Variants in RXFP1 observed in about 807,000 individuals in gnomAD.
RXFP1 encodes the protein relaxin receptor 1.
Under a neutral mutation model 89.8 loss-of-function variants are expected in RXFP1, and 73 were observed. The observed-to-expected ratio is 0.81, with a 90% CI of 0.67 to 0.99. The LOEUF (loss-of-function observed/expected upper bound fraction) is 0.99. Among genes scored for constraint, RXFP1 ranks in the 50% least tolerant of loss-of-function variants. RXFP1 has a pLI of 0.00. For missense variants in RXFP1, 793 were observed against 895.5 expected (o/e 0.89, Z 1.46); for synonymous variants, 277 against 305.5 (o/e 0.91, Z 0.97).
chr4:158,546,770 G>A lies in RXFP1; in HGVS notation c.49+24745G>A, dbSNP rs184257613. Among the ~76,000 whole-genome samples, 22 of 152,008 alleles carry A rather than the reference G, an allele frequency of 1.4e-4. No homozygotes were observed. The East Asian group carries it at 4.2e-3, about 29-fold the overall frequency. ...TTACGTTTATTGATTTCCATATGTTGAACCAGCCTTGCATCCCAGGGATGA... is the reference window on the plus strand; with the variant it reads ...TTACGTTTATTGATTTCCATATGTTAAACCAGCCTTGCATCCCAGGGATGA... On this transcript the variant is annotated intron_variant, in intron 1 of 17. Transcript: ENST00000307765.
At chr4:158,524,589 T>C (rs771901901) in intron 1 of RXFP1, among the ~76,000 whole-genome samples, 7 of 152,232 alleles carry the variant, frequency 4.6e-5, no homozygotes, top group Non-Finnish European at 8.8e-5. Flanking sequence ...TAAAAATCCT[T>C]CTGTCCATAG....
chr4:158,560,439 C>T (rs1752202343), intron 1 of RXFP1, among the ~76,000 whole-genome samples: 1 of 152,218 alleles, frequency 6.6e-6, no homozygotes, highest in African/African-American at 2.4e-5. Context: ...TTCAATCACC[C>T]TTTCAAGTAA....
intron 14 of RXFP1, among the ~76,000 whole-genome samples, chr4:158,640,632 C>T (rs1770194039): frequency 6.6e-6 from 1 of 152,108 alleles, no homozygotes; most frequent in South Asian, 2.1e-4. Context: ...GAGGGATCTA[C>T]CCCATGACCC....
intron 2 of RXFP1, among the ~76,000 whole-genome samples, chr4:158,589,118 CCAAA>C (rs1758866031): frequency 6.6e-6 from 1 of 152,086 alleles, no homozygotes. Context: ...AGAATGAGTG[CCAAA>C]CAAAGGGAGA....
chr4:158,527,564 A>AAAATATATAT (rs5741905), intron 1 of RXFP1, among the ~76,000 whole-genome samples: 106 of 98,302 alleles, frequency 1.1e-3, no homozygotes, highest in South Asian at 2.5e-3. Flanking sequence ...AAAAAAAAAA[A>AAAATATATAT]ATATATATAT....
chr4:158,544,372 A>G (rs1747650760), intron 1 of RXFP1: 1 of 985,100 alleles, frequency 1.0e-6, no homozygotes, highest in East Asian at 1.1e-4. Flanking sequence ...CAAAAGAGGG[A>G]CAGATCACCC....
At chr4:158,625,809 T>A (rs577007075) in intron 9 of RXFP1, among the ~76,000 whole-genome samples, 1 of 152,214 alleles carries the variant, frequency 6.6e-6, no homozygotes, top group Non-Finnish European at 1.5e-5. Context: ...CTGAACAGCT[T>A]TATGTTACAT....
At chr4:158,629,733 T>A (rs900346726) in intron 11 of RXFP1, among the ~76,000 whole-genome samples, 1 of 152,030 alleles carries the variant, frequency 6.6e-6, no homozygotes, top group Non-Finnish European at 1.5e-5. Context: ...ACTCAAGTGA[T>A]CCTCCCACCT....
At chr4:158,527,845 G>A (rs1579335701) in intron 1 of RXFP1, among the ~76,000 whole-genome samples, 1 of 151,940 alleles carries the variant, frequency 6.6e-6, no homozygotes, top group Non-Finnish European at 1.5e-5. Context: ...AGGCCATATA[G>A]CTGTGTTCCC....
intron 17 of RXFP1, 50 bp downstream of exon 17, chr4:158,648,767 G>C: frequency 8.7e-7 from 1 of 1,153,302 alleles, no homozygotes; most frequent in Non-Finnish European, 1.2e-6. Flanking sequence ...TGTTTTTACA[G>C]TGTTCTTTTA....
intron 2 of RXFP1, among the ~76,000 whole-genome samples, chr4:158,576,677 C>T (rs1756278874): frequency 6.6e-6 from 1 of 152,090 alleles, no homozygotes; most frequent in African/African-American, 2.4e-5. Flanking sequence ...CTCACAAACT[C>T]CATTATTATC....
chr4:158,633,711 G>A (rs544246044), intron 12 of RXFP1, among the ~76,000 whole-genome samples: 5 of 152,046 alleles, frequency 3.3e-5, no homozygotes, highest in African/African-American at 1.2e-4. Context: ...CCATCCCCTG[G>A]CTACCACCAT....
At chr4:158,528,324 C>T (rs908360769) in intron 1 of RXFP1, among the ~76,000 whole-genome samples, 2 of 150,800 alleles carry the variant, frequency 1.3e-5, no homozygotes, top group African/African-American at 4.9e-5. Context: ...GGCAACATGG[C>T]GCGACCCCCC....
chr4:158,570,447 C>A (rs746166390), intron 1 of RXFP1, among the ~76,000 whole-genome samples: 64 of 152,126 alleles, frequency 4.2e-4, no homozygotes, highest in Non-Finnish European at 2.1e-4. Flanking sequence ...TTCTTGCACC[C>A]TACCTTTCCC....
chr4:158,532,489 C>G (rs570235245), intron 1 of RXFP1, among the ~76,000 whole-genome samples: 24 of 152,276 alleles, frequency 1.6e-4, no homozygotes, highest in African/African-American at 5.5e-4. Context: ...CCCTTCTCCC[C>G]TTCTGACCAA....
At chr4:158,557,476 A>G (rs1751558014) in intron 1 of RXFP1, among the ~76,000 whole-genome samples, 1 of 152,088 alleles carries the variant, frequency 6.6e-6, no homozygotes, top group South Asian at 2.1e-4. Context: ...TTAATTGATA[A>G]ATTCCTTTAA....
rs79548429 is a variant in RXFP1, at chr4:158,594,668, A to T, written c.286+1169A>T. Among the ~76,000 whole-genome samples, 479 of 152,300 alleles carry T rather than the reference A, an allele frequency of 3.1e-3. 1 individual carries two copies. The highest frequency in any genetic ancestry group is 0.01 in the African/African-American group (433 of 41,566). The stretch of plus-strand genomic sequence containing the variant: ...AGAAACATACATATTTAATGGGTTA[A>T]TTATGGTTACAGTAAAACCCAGTTG... On this transcript the variant is annotated intron_variant, in intron 3 of 17. Transcript: ENST00000307765.
At chr4:158,598,907 G>T (rs1350400292) in intron 3 of RXFP1, among the ~76,000 whole-genome samples, 2 of 151,576 alleles carry the variant, frequency 1.3e-5, no homozygotes, top group Non-Finnish European at 2.9e-5. Flanking sequence ...CTCCTTTAAA[G>T]GTTTTGATTA....
chr4:158,634,012 T>C (rs1454326827), intron 12 of RXFP1, among the ~76,000 whole-genome samples: 1 of 152,228 alleles, frequency 6.6e-6, no homozygotes, highest in Non-Finnish European at 1.5e-5. Context: ...CTGTTGACTC[T>C]GCTTTCAATT....
Sources: gnomAD v4.1 joint callset for allele counts (sites outside exome capture counted in the v4.1 genomes callset) on GRCh38, gnomAD v4.1.1 for gene constraint, MANE v1.5 for transcripts, NCBI Gene and HGNC (gene_info 2026-07-23, HGNC 2026-07-21) for gene names.